Variants in KIF1B observed in about 807,000 individuals in gnomAD.
KIF1B encodes kinesin-like protein KIF1B.
Under a neutral mutation model 241.9 loss-of-function variants are expected in KIF1B, and 76 were observed. The ratio of observed to expected loss-of-function variants is 0.31; its 90% CI spans 0.26 to 0.38. The LOEUF (loss-of-function observed/expected upper bound fraction) is 0.38. Among genes scored for constraint, KIF1B ranks in the 10% least tolerant of loss-of-function variants. The pLI is 1.00. For missense variants in KIF1B, 1,622 were observed against 2,271.4 expected (o/e 0.71, Z 5.81); for synonymous variants, 750 against 796.7 (o/e 0.94, Z 0.99).
chr1:10,260,033 G>A (rs1005935227), intron 4 of KIF1B, among the ~76,000 whole-genome samples: 1 of 152,018 alleles, frequency 6.6e-6, no homozygotes, highest in African/African-American at 2.4e-5. Flanking sequence ...TTAAGGGTGG[G>A]GGTACATTTT....
intron 22 of KIF1B, chr1:10,304,585 C>G: frequency 6.2e-7 from 1 of 1,614,106 alleles, no homozygotes; most frequent in Non-Finnish European, 8.5e-7. Flanking sequence ...TGTGACACCT[C>G]CGCGGATGAG....
chr1:10,299,281 C>T (rs1175818352), intron 22 of KIF1B, among the ~76,000 whole-genome samples: 1 of 152,122 alleles, frequency 6.6e-6, no homozygotes, highest in African/African-American at 2.4e-5. Flanking sequence ...AATGTACATA[C>T]CCTGCAGATA....
chr1:10,340,399 C>CAT (rs1473172583), intron 32 of KIF1B, among the ~76,000 whole-genome samples: 7 of 152,174 alleles, frequency 4.6e-5, no homozygotes, highest in Non-Finnish European at 1.0e-4. Context: ...ATTCCAAAGT[C>CAT]ATTATCCTCA....
At chr1:10,358,432 C>T (rs955210721) in intron 38 of KIF1B, among the ~76,000 whole-genome samples, 1 of 152,140 alleles carries the variant, frequency 6.6e-6, no homozygotes, top group Non-Finnish European at 1.5e-5. Context: ...CAAATATCAC[C>T]AAAGTCATAA....
At chr1:10,334,164 A>AG (rs1652072156) in intron 27 of KIF1B, among the ~76,000 whole-genome samples, 1 of 151,516 alleles carries the variant, frequency 6.6e-6, no homozygotes. Context: ...AAAAAAAAAA[A>AG]AAAAAGGTTG....
intron 36 of KIF1B, among the ~76,000 whole-genome samples, chr1:10,348,362 T>G (rs572495762): frequency 6.6e-6 from 1 of 152,316 alleles, no homozygotes; most frequent in South Asian, 2.1e-4. Flanking sequence ...TACAAGGGGC[T>G]GGGATGCAGC....
chr1:10,275,909 CTTTT>C (rs34424252), intron 11 of KIF1B, among the ~76,000 whole-genome samples: 2 of 141,340 alleles, frequency 1.4e-5, no homozygotes, highest in African/African-American at 2.7e-5. Context: ...ACTTCTCCTA[CTTTT>C]TTTTTTTTTT....
At chr1:10,289,220 G>C (rs542657415) in intron 15 of KIF1B, among the ~76,000 whole-genome samples, 7 of 151,638 alleles carry the variant, frequency 4.6e-5, no homozygotes, top group Admixed American at 2.0e-4. Flanking sequence ...TCATTTCTCT[G>C]TCTGGGCCTC....
chr1:10,213,779 T>C (rs916961538), intron 1 of KIF1B, among the ~76,000 whole-genome samples: 2 of 152,180 alleles, frequency 1.3e-5, no homozygotes, highest in African/African-American at 4.8e-5. Context: ...TGAACTTTTT[T>C]TGTGCAGCTT....
At chr1:10,304,825 A>T in intron 22 of KIF1B, 1 of 1,455,536 alleles carries the variant, frequency 6.9e-7, no homozygotes, top group South Asian at 1.5e-5. Flanking sequence ...TTTTGCTTGT[A>T]TACCATAAAT....
intron 4 of KIF1B, among the ~76,000 whole-genome samples, chr1:10,259,349 CTG>C (rs968114636): frequency 1.3e-5 from 2 of 151,692 alleles, no homozygotes; most frequent in African/African-American, 4.8e-5. Context: ...GGGTCTCACT[CTG>C]TTGCCCATGC....
intron 35 of KIF1B, among the ~76,000 whole-genome samples, chr1:10,346,654 T>C (rs544647315): frequency 6.6e-6 from 1 of 152,328 alleles, no homozygotes; most frequent in Non-Finnish European, 1.5e-5. Flanking sequence ...CGTGAGCCAC[T>C]GTGCCCAGCA....
At chr1:10,286,740 A>T (rs907573953) in intron 15 of KIF1B, among the ~76,000 whole-genome samples, 1 of 152,214 alleles carries the variant, frequency 6.6e-6, no homozygotes, top group African/African-American at 2.4e-5. Context: ...ATAACTAGAG[A>T]TGCAGACAGA....
At chr1:10,225,085 C>T (rs1351624753) in intron 1 of KIF1B, among the ~76,000 whole-genome samples, 2 of 152,170 alleles carry the variant, frequency 1.3e-5, no homozygotes, top group African/African-American at 4.8e-5. Flanking sequence ...CAATAATGCT[C>T]ACTTGCCCAC....
chr1:10,225,377 C>G (rs762941097), intron 1 of KIF1B, among the ~76,000 whole-genome samples: 7 of 151,834 alleles, frequency 4.6e-5, no homozygotes, highest in South Asian at 2.1e-4. Context: ...TCCAGCTGCT[C>G]GGGAAACTGA....
At chr1:10,307,889 T>C in intron 22 of KIF1B, 1 of 1,049,124 alleles carries the variant, frequency 9.5e-7, no homozygotes, top group Non-Finnish European at 1.2e-6. Context: ...AAGGGCATTT[T>C]CTTTATTCCT....
At chr1:10,362,750 T>G (rs1339441508) in intron 40 of KIF1B, among the ~76,000 whole-genome samples, 1 of 152,192 alleles carries the variant, frequency 6.6e-6, no homozygotes, top group Non-Finnish European at 1.5e-5. Context: ...TCAATTTTAT[T>G]CACCCTATTG....
At chr1:10,358,768 G>A (rs7546368) in intron 38 of KIF1B, among the ~76,000 whole-genome samples, 74,609 of 151,318 alleles carry the variant, frequency 0.49, 18,564 homozygotes, top group African/African-American at 0.54. Flanking sequence ...TCGTCACCCA[G>A]TATTAGAATA....
In KIF1B at chr1:10,303,752, A is replaced by G. The variant is rs761462393; in HGVS notation, c.2115+6506A>G. 3 of 1,614,202 alleles carry G rather than the reference A, an allele frequency of 1.9e-6. No individual in the cohort carries two copies. The South Asian group carries it at 3.3e-5, about 18-fold the overall frequency. On this transcript the variant is annotated intron_variant, in intron 22 of 48. Transcript: ENST00000676179. The surrounding 1 kb of genome is among the most constrained non-coding windows in gnomAD (Gnocchi z 5.2). ...AGAAATAAAATGCTCAAAATGGAAA[A>G]AGTCTTGCCACTGATCGGATCTCAG...
Sources: gnomAD v4.1 joint callset for allele counts (sites outside exome capture counted in the v4.1 genomes callset) on GRCh38, gnomAD v4.1.1 for gene constraint, Gnocchi (gnomAD v3.1) non-coding constraint, MANE v1.5 for transcripts, NCBI Gene and HGNC (gene_info 2026-07-23, HGNC 2026-07-21) for gene names.